DCAF12: variants seen among roughly 807,000 people sequenced by gnomAD.
The protein encoded by DCAF12 is DDB1- and CUL4-associated factor 12.
A neutral mutation model predicts 52.8 loss-of-function variants in DCAF12; 28 were observed. The observed-to-expected ratio is 0.53, with a 90% CI of 0.39 to 0.73. DCAF12 has a LOEUF of 0.73. Among genes scored for constraint, DCAF12 ranks in the 30% least tolerant of loss-of-function variants. The pLI, the probability that DCAF12 is intolerant of heterozygous loss-of-function variation, is 0.00. For synonymous variants in DCAF12, 196 were observed against 215.5 expected (o/e 0.91, Z 0.79); for missense variants, 425 against 552.2 (o/e 0.77, Z 2.31).
chr9:34,120,689 A>G (rs376972936), intron 2 of DCAF12, among the ~76,000 whole-genome samples: 4 of 142,368 alleles, frequency 2.8e-5, no homozygotes, highest in African/African-American at 1.0e-4. Context: ...AAAAAAAAAG[A>G]AAACAAAGCA....
intron 4 of DCAF12, among the ~76,000 whole-genome samples, chr9:34,100,628 G>A (rs981600207): frequency 5.3e-5 from 8 of 151,176 alleles, no homozygotes; most frequent in Non-Finnish European, 1.0e-4. Flanking sequence ...CTGAGTAGCT[G>A]TGACTACAGG....
Position 34,107,501 on chromosome 9 carries a change from G to A in DCAF12, c.398C>T (p.Pro133Leu), listed in dbSNP as rs1564098708. The change falls in exon 3 of 9, where the codon CCT becomes CTT. Residue 133 changes from proline (P) to leucine (L), a missense_variant. By Grantham distance (98) the Pro-to-Leu change is moderately conservative (BLOSUM62 -3). This residue lies in a region of DCAF12 where 328 missense variants were observed against 444.4 expected (regional missense o/e 0.74). Transcript: ENST00000361264. Reference sequence around the variant, plus strand: ...ACAGCCCTGCTGGGTCACACCTCCAGGCTCCCGGTCTTTCAGAATGGGGAT... The same window carrying A: ...ACAGCCCTGCTGGGTCACACCTCCAAGCTCCCGGTCTTTCAGAATGGGGAT... The part of the protein sequence containing the change: ...TKIPILKDRE[P>L]GGVTQQGCGI... 1 of 1,614,170 alleles carries A rather than the reference G, an allele frequency of 6.2e-7. No homozygotes were observed. Among genetic ancestry groups the A allele is most frequent in the East Asian group, 2.2e-5 (1 of 44,886 alleles).
intron 2 of DCAF12, among the ~76,000 whole-genome samples, chr9:34,123,749 C>T (rs893168207): frequency 2.6e-5 from 4 of 152,106 alleles, no homozygotes; most frequent in African/African-American, 9.7e-5. Context: ...AGGCTAAACA[C>T]TATGATGCAC....
chr9:34,122,702 T>G (rs1213471757), intron 2 of DCAF12, among the ~76,000 whole-genome samples: 2 of 152,180 alleles, frequency 1.3e-5, no homozygotes, highest in African/African-American at 4.8e-5. Flanking sequence ...GGTCTCGAAC[T>G]CCTGACCTCA....
intron 2 of DCAF12, among the ~76,000 whole-genome samples, chr9:34,121,539 A>C (rs954497120): frequency 6.6e-6 from 1 of 152,124 alleles, no homozygotes; most frequent in Non-Finnish European, 1.5e-5. Flanking sequence ...AGTGCTGACA[A>C]TGGGAAATAA....
rs759199769 is a variant in DCAF12, at chr9:34,093,292, C to T, written c.1018G>A (p.Gly340Ser). Residue 340 changes from glycine to serine, a missense_variant, in exon 7 of 9, where the codon GGC (glycine) becomes AGC (serine). Gly to Ser is a moderately conservative substitution (Grantham distance 56). Around this residue, in one of 3 missense-constraint regions of DCAF12, gnomAD observed 328 missense variants for 444.4 expected, o/e 0.74. Transcript: ENST00000361264. The stretch of plus-strand genomic sequence containing the variant: ...TGCACACAGGGACTCTTACCACTGC[C>T]TCGCTCCCTGGAACAGACAGACTTG... ...NVKSVCSRER[G>S]SGIRSVSFYE... The T allele has an allele frequency of 6.2e-7, 1 of 1,614,190 alleles. No homozygotes were observed. The highest frequency in any genetic ancestry group is 1.1e-5 in the South Asian group (1 of 91,088).
intron 3 of DCAF12, 45 bp from the exon 4 acceptor site, chr9:34,106,539 T>A: frequency 6.7e-7 from 1 of 1,484,658 alleles, no homozygotes. Context: ...AAATAAGAAA[T>A]TAGTAAAATA....
At chr9:34,111,067 C>T (rs998487512) in intron 2 of DCAF12, among the ~76,000 whole-genome samples, 1 of 148,276 alleles carries the variant, frequency 6.7e-6, no homozygotes, top group African/African-American at 2.5e-5. Flanking sequence ...CTCACTGCAA[C>T]CTCTGCCTCC....
chr9:34,121,597 C>G (rs1209912894), intron 2 of DCAF12, among the ~76,000 whole-genome samples: 1 of 125,836 alleles, frequency 7.9e-6, no homozygotes, highest in Non-Finnish European at 1.8e-5. Flanking sequence ...GATCATCACT[C>G]TGCCGATTGC....
At chr9:34,108,273 G>A (rs997689764) in intron 2 of DCAF12, among the ~76,000 whole-genome samples, 2 of 152,110 alleles carry the variant, frequency 1.3e-5, no homozygotes, top group African/African-American at 2.4e-5. Flanking sequence ...CATTCCTTCG[G>A]ACACTCACTT....
chr9:34,112,056 T>C (rs895041634), intron 2 of DCAF12, among the ~76,000 whole-genome samples: 5 of 151,452 alleles, frequency 3.3e-5, no homozygotes, highest in African/African-American at 7.3e-5. Flanking sequence ...GACAGGAGAA[T>C]TGCTTAAACT....
At chr9:34,118,241 G>A (rs752883456) in intron 2 of DCAF12, among the ~76,000 whole-genome samples, 1 of 152,080 alleles carries the variant, frequency 6.6e-6, no homozygotes, top group Non-Finnish European at 1.5e-5. Flanking sequence ...TCAAGCGACT[G>A]TCCTGACTCA....
chr9:34,101,884 GGCA>G (rs1019901635), intron 4 of DCAF12, among the ~76,000 whole-genome samples: 1 of 150,612 alleles, frequency 6.6e-6, no homozygotes, highest in African/African-American at 2.4e-5. Flanking sequence ...GGCGTGGTGG[GGCA>G]CGCCTGTGGT....
Position 34,086,688 on chromosome 9 carries a change from T to A in DCAF12, c.*1662A>T, listed in dbSNP as rs1251042224. On this transcript the variant is annotated 3_prime_UTR_variant, in exon 9 of 9. Coordinates refer to ENST00000361264, the MANE Select transcript of DCAF12 (RefSeq NM_015397.4). ...TCCCTGTTTATAGCACCTATTTCTC[T>A]AGGTTCGAAGATGAGAATTCCAGAA... 6.6e-6 allele frequency: 1 copy of A among 152,354 alleles called. No homozygotes were observed. The highest frequency in any genetic ancestry group is 1.9e-4 in the East Asian group (1 of 5,194). The allele number at this position is 152,354 out of a possible 1,614,324, so 9.4% of individuals were successfully genotyped here.
In DCAF12 at chr9:34,086,485, A is replaced by G. The variant is rs1239554741; in HGVS notation, c.*1865T>C. 1 of 152,226 alleles carries G rather than the reference A, an allele frequency of 6.6e-6. No homozygotes were observed. The highest frequency in any genetic ancestry group is 1.5e-5 in the Non-Finnish European group (1 of 68,048). The allele number at this position is 152,226 out of a possible 1,614,324, so 9.4% of individuals were successfully genotyped here. ...AACAATCAAACGCATTACCCATTACAGAAGAGGGTCTAGCAATAGTACAAA... is the reference window on the plus strand; with the variant it reads ...AACAATCAAACGCATTACCCATTACGGAAGAGGGTCTAGCAATAGTACAAA... On this transcript the variant is annotated 3_prime_UTR_variant, in exon 9 of 9. Transcript: ENST00000361264.
intron 7 of DCAF12, 46 bp downstream of exon 7, chr9:34,093,240 A>G (rs777231396): frequency 2.2e-5 from 35 of 1,608,834 alleles, no homozygotes; most frequent in Admixed American, 1.7e-5. Flanking sequence ...GTCAGAACCC[A>G]TATGCAGTGC....
intron 7 of DCAF12, among the ~76,000 whole-genome samples, chr9:34,092,978 T>C (rs1758566017): frequency 6.6e-6 from 1 of 152,192 alleles, no homozygotes; most frequent in South Asian, 2.1e-4. Context: ...CCTGAGCAGC[T>C]GGGATTACAG....
At chr9:34,110,141 T>A (rs189684016) in intron 2 of DCAF12, among the ~76,000 whole-genome samples, 6 of 151,964 alleles carry the variant, frequency 3.9e-5, no homozygotes, top group Admixed American at 1.3e-4. Flanking sequence ...GACAAACCAC[T>A]CTCAAACTGG....
intron 2 of DCAF12, among the ~76,000 whole-genome samples, chr9:34,114,302 C>A (rs1829051612): frequency 6.6e-6 from 1 of 152,090 alleles, no homozygotes; most frequent in Admixed American, 6.6e-5. Context: ...GTGGCTCACA[C>A]CTGTAATCCC....
Sources: allele counts gnomAD v4.1 joint callset (sites outside exome capture counted in the v4.1 genomes callset), GRCh38; gene constraint gnomAD v4.1.1; regional missense constraint gnomAD v4.1.1; transcripts MANE v1.5; gene names NCBI Gene and HGNC (gene_info 2026-07-23, HGNC 2026-07-21).